The following APBB1IP variants were observed in gnomAD, a reference collection of about 807,000 sequenced individuals.
APBB1IP encodes the protein amyloid beta A4 precursor protein-binding family B member 1-interacting protein.
APBB1IP carries 27 observed loss-of-function variants against 64.9 expected under a neutral mutation model. That is an observed-to-expected ratio of 0.42 (90% CI 0.31 to 0.57). APBB1IP has a LOEUF of 0.57. APBB1IP is among the 20% of genes least tolerant of loss of function. The pLI, the probability that APBB1IP is intolerant of heterozygous loss-of-function variation, is 0.20. For synonymous variants in APBB1IP, 392 were observed against 331.0 expected (o/e 1.18, Z -2.00); for missense variants, 812 against 845.5 (o/e 0.96, Z 0.49).
At chr10:26,537,933 C>CAAAAAAAAAAAAAAAAAAGAAA (rs1836648386) in intron 10 of APBB1IP, among the ~76,000 whole-genome samples, 1 of 106,990 alleles carries the variant, frequency 9.3e-6, no homozygotes. Flanking sequence ...GACTAGGTCT[C>CAAAAAAAAAAAAAAAAAAGAAA]AAAAAAAAAA....
At chr10:26,519,601 T>A (rs1197592877) in intron 8 of APBB1IP, among the ~76,000 whole-genome samples, 2 of 152,160 alleles carry the variant, frequency 1.3e-5, no homozygotes, top group Admixed American at 6.5e-5. Flanking sequence ...CAATTAGAGA[T>A]GAAATTTGGG....
At chr10:26,554,448 G>T (rs981979032) in intron 11 of APBB1IP, among the ~76,000 whole-genome samples, 1 of 152,204 alleles carries the variant, frequency 6.6e-6, no homozygotes, top group Non-Finnish European at 1.5e-5. Flanking sequence ...GCTTGCAGCT[G>T]CGTGTGCCAA....
At chr10:26,504,692 A>G (rs1000039312) in intron 6 of APBB1IP, among the ~76,000 whole-genome samples, 1 of 152,004 alleles carries the variant, frequency 6.6e-6, no homozygotes, top group Non-Finnish European at 1.5e-5. Flanking sequence ...CCTGGACTCC[A>G]GAGCGAGACT....
chr10:26,492,532 G>A (rs1294178555), intron 3 of APBB1IP, 134 bp downstream of exon 3: 2 of 750,660 alleles, frequency 2.7e-6, no homozygotes, highest in South Asian at 3.6e-5. Context: ...TTCAATGTAG[G>A]TTCTTTTCTA....
chr10:26,525,950 G>A (rs1268126916), intron 8 of APBB1IP, among the ~76,000 whole-genome samples: 3 of 152,160 alleles, frequency 2.0e-5, no homozygotes, highest in Admixed American at 6.5e-5. Flanking sequence ...TGGGTATAGG[G>A]TGGGCGCCTG....
chr10:26,532,167 G>A (rs1836562865), intron 8 of APBB1IP, among the ~76,000 whole-genome samples: 2 of 152,114 alleles, frequency 1.3e-5, no homozygotes, highest in African/African-American at 4.8e-5. Flanking sequence ...CCTTAATTTA[G>A]TCACAGTGCT....
chr10:26,458,582 A>G (rs1047697705), intron 2 of APBB1IP, among the ~76,000 whole-genome samples: 6 of 152,198 alleles, frequency 3.9e-5, no homozygotes, highest in South Asian at 2.1e-4. Flanking sequence ...TTGTATCTTA[A>G]TACATTATTT....
intron 2 of APBB1IP, among the ~76,000 whole-genome samples, chr10:26,465,493 ATTAC>A (rs780275053): frequency 6.6e-6 from 1 of 152,212 alleles, no homozygotes; most frequent in Non-Finnish European, 1.5e-5. Context: ...TGATATAATA[ATTAC>A]TCATTGTAAT....
chr10:26,539,953 G>GA (rs1836676941), intron 10 of APBB1IP, among the ~76,000 whole-genome samples: 1 of 152,140 alleles, frequency 6.6e-6, no homozygotes, highest in East Asian at 1.9e-4. Context: ...AAGTGGGTAA[G>GA]AAAAAGAGAC....
At chr10:26,490,400 G>A (rs906685343) in intron 2 of APBB1IP, among the ~76,000 whole-genome samples, 18 of 152,178 alleles carry the variant, frequency 1.2e-4, no homozygotes, top group East Asian at 1.9e-4. Context: ...AGAGGCGGGC[G>A]GATCACCTGA....
intron 14 of APBB1IP, among the ~76,000 whole-genome samples, chr10:26,566,430 T>C (rs911404532): frequency 6.6e-6 from 1 of 152,166 alleles, no homozygotes; most frequent in African/African-American, 2.4e-5. Flanking sequence ...AATTTTTGTA[T>C]TTTTAAAGGA....
intron 3 of APBB1IP, among the ~76,000 whole-genome samples, chr10:26,494,484 A>G (rs1835995578): frequency 6.6e-6 from 1 of 152,274 alleles, no homozygotes; most frequent in South Asian, 2.1e-4. Context: ...TCTAAAAAAA[A>G]TAAATGAATA....
intron 11 of APBB1IP, among the ~76,000 whole-genome samples, chr10:26,551,043 G>A (rs1232967627): frequency 6.6e-6 from 1 of 152,176 alleles, no homozygotes; most frequent in Admixed American, 6.5e-5. Flanking sequence ...TGGATGGTGT[G>A]GGAAAGCCGG....
chr10:26,521,789 C>T (rs1328701359), intron 8 of APBB1IP, among the ~76,000 whole-genome samples: 1 of 152,072 alleles, frequency 6.6e-6, no homozygotes, highest in African/African-American at 2.4e-5. Flanking sequence ...CTTGCTTTGT[C>T]ACCCAGGCTA....
intron 3 of APBB1IP, 101 bp downstream of exon 3, chr10:26,492,499 T>A (rs1391950523): frequency 9.4e-7 from 1 of 1,066,296 alleles, no homozygotes; most frequent in Admixed American, 2.0e-5. Context: ...AACCCTGATA[T>A]CGGGGGAACC....
chr10:26,537,703 C>A (rs1463992829), intron 10 of APBB1IP, among the ~76,000 whole-genome samples: 1 of 152,042 alleles, frequency 6.6e-6, no homozygotes, highest in Non-Finnish European at 1.5e-5. Context: ...GAGGCTGAGG[C>A]AAGGTGAATC....
chr10:26,448,285 T>C (rs1835424237), intron 2 of APBB1IP, among the ~76,000 whole-genome samples: 1 of 152,160 alleles, frequency 6.6e-6, no homozygotes, highest in South Asian at 2.1e-4. Flanking sequence ...TCAAGTGATC[T>C]TCCCACTTCA....
chr10:26,490,491 G>C (rs974458666), intron 2 of APBB1IP, among the ~76,000 whole-genome samples: 1 of 152,062 alleles, frequency 6.6e-6, no homozygotes, highest in Non-Finnish European at 1.5e-5. Flanking sequence ...CAGGTGTGGT[G>C]GGGCATGCCT....
intron 8 of APBB1IP, among the ~76,000 whole-genome samples, chr10:26,518,410 G>A (rs1836359904): frequency 6.6e-6 from 1 of 151,924 alleles, no homozygotes; most frequent in Non-Finnish European, 1.5e-5. Flanking sequence ...ACCACACCTG[G>A]CTAGTTTTGG....
Sources: allele counts gnomAD v4.1 joint callset (sites outside exome capture counted in the v4.1 genomes callset), GRCh38; gene constraint gnomAD v4.1.1; transcripts MANE v1.5; gene names NCBI Gene and HGNC (gene_info 2026-07-23, HGNC 2026-07-21).